The following IFNAR2 variants were observed in gnomAD, a reference collection of about 807,000 sequenced individuals.
IFNAR2 encodes the protein interferon alpha and beta receptor subunit 2, also known as interferon alpha/beta receptor 2.
Under a neutral mutation model 49.4 loss-of-function variants are expected in IFNAR2, and 30 were observed. The ratio of observed to expected loss-of-function variants is 0.61; its 90% CI spans 0.45 to 0.82. The LOEUF (loss-of-function observed/expected upper bound fraction) is 0.82, where lower values mean the gene tolerates loss of function less well. Among genes scored for constraint, IFNAR2 ranks in the 40% least tolerant of loss-of-function variants. The pLI is 0.00. For missense variants in IFNAR2, 600 were observed against 622.7 expected, an observed-to-expected ratio of 0.96 and a Z score of 0.39; for synonymous variants, 224 against 234.5, an observed-to-expected ratio of 0.96 and a Z score of 0.41.
At chr21:33,234,743 G>T in intron 1 of IFNAR2, 1 of 984,900 alleles carries the variant, frequency 1.0e-6, no homozygotes, top group South Asian at 4.7e-5. Flanking sequence ...GTCACAGGGT[G>T]AACCTGTGAC....
At chr21:33,235,539 A>G (rs189043995) in intron 1 of IFNAR2, among the ~76,000 whole-genome samples, 34 of 152,278 alleles carry the variant, frequency 2.2e-4, no homozygotes, top group African/African-American at 6.5e-4. Flanking sequence ...CTGAGAAAGT[A>G]CCACTAAAGG....
intron 8 of IFNAR2, 150 bp downstream of exon 8, chr21:33,260,877 T>C: frequency 1.9e-6 from 1 of 538,536 alleles, no homozygotes; most frequent in East Asian, 3.3e-5. Context: ...CTTTTCCATA[T>C]CTATAAATGT....
chr21:33,249,069 C>T (rs1410468525), intron 6 of IFNAR2, among the ~76,000 whole-genome samples: 1 of 152,166 alleles, frequency 6.6e-6, no homozygotes, highest in South Asian at 2.1e-4. Flanking sequence ...CACGGCTGGG[C>T]CTGGTGGCTC....
chr21:33,262,540 G>A lies in IFNAR2; in HGVS notation c.841-253G>A, dbSNP rs1009534173. ...CTGCATCATCATTCAATCTCATTAA[G>A]TTTATTTTTTATTTTTTTAGAGGCA... On this transcript the variant is annotated intron_variant, in intron 8 of 8. Transcript: ENST00000342136. 7 of 694,202 alleles carry A rather than the reference G, an allele frequency of 1.0e-5. No homozygotes were observed. In the Admixed American group the frequency reaches 1.4e-4, roughly 14 times the overall value. 43.0% of individuals were successfully genotyped at this position (694,202 alleles called of 1,614,324 possible). A position where few individuals can be genotyped will look rare whatever the true frequency, so the allele number is the denominator to read the frequency against.
Position 33,242,758 on chromosome 21 carries a change from CGTGTGTGTGTGTGTGTGTGTGTGTGT to C in IFNAR2, c.55+802_55+827del, listed in dbSNP as rs375640331. Among the ~76,000 whole-genome samples, 36 of 76,556 alleles carry C rather than the reference CGTGTGTGTGTGTGTGTGTGTGTGTGT, an allele frequency of 4.7e-4. 3 individuals are homozygous for C. The South Asian group carries it at 5.4e-3, about 11-fold the overall frequency. The allele number at this position is 76,556 out of a possible 152,430, so 50.2% of individuals were successfully genotyped here. A position where few individuals can be genotyped will look rare whatever the true frequency, so the allele number is the denominator to read the frequency against. Reference sequence around the variant, plus strand: ...AAAAAAAAAAAAAAAATCTCGTGTGCGTGTGTGTGTGTGTGTGTGTGTGTGTGTGTGTGTGTGTGTGTGTGTTTTGA... The same window carrying C: ...AAAAAAAAAAAAAAAATCTCGTGTGCGTGTGTGTGTGTGTGTGTGTTTTGA... On this transcript the variant is annotated intron_variant, in intron 2 of 8. Transcript: ENST00000342136.
intron 1 of IFNAR2, among the ~76,000 whole-genome samples, chr21:33,241,151 A>G (rs554623518): frequency 3.9e-5 from 6 of 152,336 alleles, no homozygotes; most frequent in South Asian, 2.1e-4. Context: ...ACTATGCAAT[A>G]TATCTATCTA....
intron 1 of IFNAR2, among the ~76,000 whole-genome samples, chr21:33,233,824 A>G (rs1377409587): frequency 6.6e-6 from 1 of 152,144 alleles, no homozygotes; most frequent in Admixed American, 6.5e-5. Context: ...TATTTATTCT[A>G]TTTAAATATA....
intron 6 of IFNAR2, among the ~76,000 whole-genome samples, chr21:33,249,230 G>A (rs536153163): frequency 6.6e-6 from 1 of 151,706 alleles, no homozygotes; most frequent in East Asian, 1.9e-4. Flanking sequence ...TGTAATCCTA[G>A]CTACTCCGGA....
In IFNAR2 at chr21:33,263,182, C is replaced by G; in HGVS notation, c.1230C>G (p.Asp410Glu). 6.2e-7 allele frequency: 1 copy of G among 1,614,168 alleles called. No individual in the cohort carries two copies. The highest frequency in any genetic ancestry group is 1.1e-5 in the South Asian group (1 of 91,086). The change falls in exon 9 of 9, where the codon GAC (aspartate) becomes GAG (glutamate). Residue 410 changes from aspartate (D) to glutamate (E), a missense_variant. Coordinates refer to ENST00000342136, the MANE Select transcript of IFNAR2 (RefSeq NM_001289125.3). ...TCCAGGACCCTTTTCCCGAAGAGGA[C>G]TACAGCTCCACGGAGGGGTCTGGGG... ...SPLQDPFPEE[D>E]YSSTEGSGGR...
At chr21:33,249,124 A>G (rs946695447) in intron 6 of IFNAR2, among the ~76,000 whole-genome samples, 25 of 152,160 alleles carry the variant, frequency 1.6e-4, no homozygotes, top group Admixed American at 1.6e-3. Flanking sequence ...CGGGCAGATC[A>G]TCTAAGGTCA....
chr21:33,252,978 G>A (rs1987967102), intron 7 of IFNAR2, 148 bp downstream of exon 7: 1 of 725,776 alleles, frequency 1.4e-6, no homozygotes, highest in African/African-American at 1.7e-5. Flanking sequence ...TTTTCTGTTG[G>A]TTCGTGTGTA....
chr21:33,263,799 T>G lies in IFNAR2; in HGVS notation c.*299T>G. 2 of 336,946 alleles carry G rather than the reference T, an allele frequency of 5.9e-6. No homozygotes were observed. The highest frequency in any genetic ancestry group is 1.1e-5 in the Non-Finnish European group (2 of 182,150). 20.9% of individuals were successfully genotyped at this position (336,946 alleles called of 1,614,324 possible). A position where few individuals can be genotyped will look rare whatever the true frequency, so the allele number is the denominator to read the frequency against. ...GCATCATGTCTACCAGGGAGCAGGG[T>G]TCCCCACAGTTTCAGAGGTGGTCCA... On this transcript the variant is annotated 3_prime_UTR_variant, in exon 9 of 9. Coordinates refer to ENST00000342136, the MANE Select transcript of IFNAR2 (RefSeq NM_001289125.3).
chr21:33,255,900 C>T (rs563326390), intron 7 of IFNAR2, among the ~76,000 whole-genome samples: 70 of 152,266 alleles, frequency 4.6e-4, no homozygotes, highest in African/African-American at 1.5e-3. Flanking sequence ...CTAAAAGAGG[C>T]TTGTTAACAA....
chr21:33,231,997 C>T (rs1465433844), intron 1 of IFNAR2, among the ~76,000 whole-genome samples: 1 of 152,184 alleles, frequency 6.6e-6, no homozygotes, highest in Non-Finnish European at 1.5e-5. Context: ...GCTTTGGACT[C>T]CCAAAGTGCT....
chr21:33,232,875 A>G (rs1465955144), intron 1 of IFNAR2: 2 of 413,336 alleles, frequency 4.8e-6, no homozygotes, highest in African/African-American at 2.2e-5. Context: ...CTGCCATATC[A>G]GTAGGAGGTA....
intron 5 of IFNAR2, among the ~76,000 whole-genome samples, chr21:33,247,713 G>C (rs1987543169): frequency 6.6e-6 from 1 of 152,218 alleles, no homozygotes; most frequent in Admixed American, 6.5e-5. Flanking sequence ...ACTCAAGTCA[G>C]TTCCCTAACA....
At chr21:33,242,225 A>T (rs1601795516) in intron 2 of IFNAR2, among the ~76,000 whole-genome samples, 1 of 152,210 alleles carries the variant, frequency 6.6e-6, no homozygotes, top group Non-Finnish European at 1.5e-5. Context: ...AATAATCAGG[A>T]CTATCCTCGC....
At position 33,263,342 on chromosome 21, in the gene IFNAR2, A is replaced by G. The variant is rs761508724; in HGVS notation, c.1390A>G (p.Asn464Asp). 5 of 1,614,138 alleles carry G rather than the reference A, an allele frequency of 3.1e-6. No homozygotes were observed. Among genetic ancestry groups the G allele is most frequent in the African/African-American group, 2.7e-5 (2 of 75,026 alleles). ...EEMVDPEDPD[N>D]VQSNHLLASG... ...GATGGTTGACCCAGAGGATCCTGATAATGTGCAATCAAACCATTTGCTGGC... is the reference window on the plus strand; with the variant it reads ...GATGGTTGACCCAGAGGATCCTGATGATGTGCAATCAAACCATTTGCTGGC... Residue 464 changes from asparagine (N) to aspartate (D), a missense_variant, in exon 9 of 9, where the codon AAT becomes GAT. Asn to Asp is a conservative substitution (Grantham distance 23, BLOSUM62 1). Transcript: ENST00000342136.
chr21:33,238,121 AAT>A (rs1425433501), intron 1 of IFNAR2, among the ~76,000 whole-genome samples: 1 of 152,128 alleles, frequency 6.6e-6, no homozygotes, highest in African/African-American at 2.4e-5. Flanking sequence ...CTGACCGAAA[AAT>A]GCAAGTTAGC....
Sources: gnomAD v4.1 joint callset for allele counts (sites outside exome capture counted in the v4.1 genomes callset) on GRCh38, gnomAD v4.1.1 for gene constraint, MANE v1.5 for transcripts, NCBI Gene and HGNC (gene_info 2026-07-23, HGNC 2026-07-21) for gene names.